B3GALT1: variants seen among roughly 807,000 people sequenced by gnomAD.
The protein encoded by B3GALT1 is UDP-Gal:betaGlcNAc beta 1,3-galactosyltransferase, polypeptide 1.
Under a neutral mutation model 23.2 loss-of-function variants are expected in B3GALT1, and 10 were observed. The ratio of observed to expected loss-of-function variants is 0.43; its 90% CI spans 0.27 to 0.73. The LOEUF is 0.73. Among genes scored for constraint, B3GALT1 ranks in the 30% least tolerant of loss-of-function variants. The pLI is 0.21. For missense variants in B3GALT1, 299 were observed against 405.4 expected (o/e 0.74, Z 2.25); for synonymous variants, 156 against 141.5 (o/e 1.10, Z -0.73).
intron 1 of B3GALT1, among the ~76,000 whole-genome samples, chr2:167,430,869 G>A (rs1411757663): frequency 6.6e-6 from 1 of 152,154 alleles, no homozygotes; most frequent in Non-Finnish European, 1.5e-5. Flanking sequence ...ACTTCAATGA[G>A]GATCTCAGAG....
At chr2:167,806,019 A>T (rs1443461520) in intron 3 of B3GALT1, among the ~76,000 whole-genome samples, 1 of 151,974 alleles carries the variant, frequency 6.6e-6, no homozygotes, top group African/African-American at 2.4e-5. Flanking sequence ...AGTGGTTTGT[A>T]GTTCTCCTTG....
chr2:167,554,426 C>T (rs1474590403), intron 2 of B3GALT1, among the ~76,000 whole-genome samples: 2 of 152,126 alleles, frequency 1.3e-5, no homozygotes, highest in South Asian at 2.1e-4. Context: ...GATGAACCAG[C>T]GGTAGGATGA....
chr2:167,837,664 G>A (rs1211841430), intron 4 of B3GALT1, among the ~76,000 whole-genome samples: 1 of 149,466 alleles, frequency 6.7e-6, no homozygotes, highest in African/African-American at 2.5e-5. Flanking sequence ...ACTCAGCTCT[G>A]CACCAAGCGG....
rs991947063 is a variant in B3GALT1 at position 167,633,563 on chromosome 2, CAACAAAGATCAAGAAA to C, written c.-409-13345_-409-13330del. ...GTCTCTCATAAAACACACTTTAAACCAACAAAGATCAAGAAAGACAAAGAAGGGTATTTACATAATG... is the reference window on the plus strand; with the variant it reads ...GTCTCTCATAAAACACACTTTAAACCGACAAAGAAGGGTATTTACATAATG... On this transcript the variant is annotated intron_variant, in intron 2 of 4. Coordinates refer to ENST00000392690, the MANE Select transcript of B3GALT1 (RefSeq NM_020981.4). 4.9e-4 allele frequency among the ~76,000 whole-genome samples: 74 copies of C among 151,190 alleles called. 1 individual carries two copies. The highest frequency in any genetic ancestry group is 3.5e-3 in the Middle Eastern group (1 of 288).
At chr2:167,698,936 T>G (rs1686828376) in intron 3 of B3GALT1, among the ~76,000 whole-genome samples, 1 of 152,226 alleles carries the variant, frequency 6.6e-6, no homozygotes, top group Non-Finnish European at 1.5e-5. Flanking sequence ...AGGATACTGT[T>G]TGTGGAATTT....
At chr2:167,678,951 T>C (rs1016651618) in intron 3 of B3GALT1, among the ~76,000 whole-genome samples, 13 of 152,174 alleles carry the variant, frequency 8.5e-5, no homozygotes, top group Admixed American at 4.6e-4. Flanking sequence ...TATGCACTTC[T>C]ATTTCTATTT....
intron 4 of B3GALT1, among the ~76,000 whole-genome samples, chr2:167,843,463 A>T (rs1689690863): frequency 6.6e-6 from 1 of 152,184 alleles, no homozygotes; most frequent in South Asian, 2.1e-4. Flanking sequence ...TCAAATCATT[A>T]TTCTATTGGC....
In B3GALT1 at chr2:167,593,855, G is replaced by A. The variant is rs139573802; in HGVS notation, c.-409-53054G>A. On this transcript the variant is annotated intron_variant, in intron 2 of 4. Coordinates refer to ENST00000392690, the MANE Select transcript of B3GALT1 (RefSeq NM_020981.4). ...AGTAATAGAGAAAAACTGAAGTAGA[G>A]TGAAGGTGAGAGAGGGAAATATTGG... is the stretch of plus-strand genomic sequence containing the variant. 6.0e-3 allele frequency among the ~76,000 whole-genome samples: 915 copies of A among 152,252 alleles called. 2 individuals carry two copies. Among genetic ancestry groups the A allele is most frequent in the Admixed American group, 0.013 (200 of 15,288 alleles).
In B3GALT1 at chr2:167,713,748, T is replaced by C. The variant is rs554287780; in HGVS notation, c.-352+66782T>C. The C allele has an allele frequency of 1.8e-5, 28 of 1,581,308 alleles. No individual in the cohort carries two copies. In the South Asian group the frequency reaches 3.1e-4, roughly 17 times the overall value. On this transcript the variant is annotated intron_variant, in intron 3 of 4. Coordinates refer to ENST00000392690, the MANE Select transcript of B3GALT1 (RefSeq NM_020981.4). ...GGAACTTGCTTCTACCTTCAGAATG[T>C]GGGGTTGGGGTAAAATCCAGGTCTT...
intron 2 of B3GALT1, among the ~76,000 whole-genome samples, chr2:167,643,662 C>T (rs1422944919): frequency 6.6e-6 from 1 of 152,114 alleles, no homozygotes; most frequent in African/African-American, 2.4e-5. Flanking sequence ...GAGAGGTCTC[C>T]ATACACCCAG....
intron 2 of B3GALT1, among the ~76,000 whole-genome samples, chr2:167,612,613 TTTTA>T (rs1388930277): frequency 6.6e-6 from 1 of 151,954 alleles, no homozygotes; most frequent in Non-Finnish European, 1.5e-5. Flanking sequence ...TCCAACATTT[TTTTA>T]TTTGCTTTTT....
chr2:167,346,253 C>T (rs926772196), intron 1 of B3GALT1, among the ~76,000 whole-genome samples: 7 of 152,146 alleles, frequency 4.6e-5, no homozygotes, highest in African/African-American at 1.7e-4. Context: ...GTATGCCCCA[C>T]ACCCACTCTA....
chr2:167,423,060 G>A (rs528696014), intron 1 of B3GALT1, among the ~76,000 whole-genome samples: 38 of 152,238 alleles, frequency 2.5e-4, no homozygotes, highest in African/African-American at 7.7e-4. Context: ...GAAAAATACA[G>A]CATTTGGGCA....
chr2:167,562,183 TA>T (rs1407867426), intron 2 of B3GALT1, among the ~76,000 whole-genome samples: 1 of 152,156 alleles, frequency 6.6e-6, no homozygotes, highest in African/African-American at 2.4e-5. Flanking sequence ...ATCCAACATA[TA>T]AACAGAACCA....
chr2:167,862,718 T>G (rs539238011), intron 4 of B3GALT1: 1 of 152,284 alleles, frequency 6.6e-6, no homozygotes, highest in Non-Finnish European at 1.5e-5. Context: ...GCCTTACCTC[T>G]GGCTGTACAA....
intron 1 of B3GALT1, among the ~76,000 whole-genome samples, chr2:167,404,825 C>T (rs1383169568): frequency 6.6e-6 from 1 of 152,100 alleles, no homozygotes; most frequent in Non-Finnish European, 1.5e-5. Context: ...GCGTGTATTC[C>T]TCAGAGTTTA....
rs187529658 is a variant in B3GALT1, at chr2:167,737,697, C to T, written c.-351-80975C>T. ...TGTCAATGGAGGGAACTGTAAGAGA[C>T]CATCTCCAAGGTTCTTTGGCAATCT... is the stretch of plus-strand genomic sequence containing the variant. On this transcript the variant is annotated intron_variant, in intron 3 of 4. Transcript: ENST00000392690. 1.1e-3 allele frequency among the ~76,000 whole-genome samples: 164 copies of T among 152,318 alleles called. 1 individual carries two copies. Among genetic ancestry groups the T allele is most frequent in the African/African-American group, 3.6e-3 (148 of 41,580 alleles).
chr2:167,756,355 C>T (rs541588297), intron 3 of B3GALT1, among the ~76,000 whole-genome samples: 5 of 152,252 alleles, frequency 3.3e-5, no homozygotes, highest in East Asian at 1.9e-4. Context: ...TTTGAACATA[C>T]GGATCATTTG....
intron 4 of B3GALT1, among the ~76,000 whole-genome samples, chr2:167,852,426 A>G (rs1689919493): frequency 6.6e-6 from 1 of 151,362 alleles, no homozygotes. Flanking sequence ...AAAGATTCAG[A>G]TTTTGTATTA....
Sources: allele counts gnomAD v4.1 joint callset (sites outside exome capture counted in the v4.1 genomes callset), GRCh38; gene constraint gnomAD v4.1.1; transcripts MANE v1.5; gene names NCBI Gene and HGNC (gene_info 2026-07-23, HGNC 2026-07-21).